HIBCH: variants seen among roughly 807,000 people sequenced by gnomAD.
The protein encoded by HIBCH is 3-hydroxyisobutyryl-CoA hydrolase, mitochondrial.
In HIBCH, 50 loss-of-function variants were observed where a neutral mutation model predicts 58.2. The observed-to-expected ratio is 0.86, with a 90% CI of 0.68 to 1.09. HIBCH has a LOEUF of 1.09. Ranked by LOEUF, HIBCH falls within the 50% of genes least tolerant of loss-of-function variation. HIBCH has a pLI of 0.00. For missense variants in HIBCH, 450 were observed against 449.7 expected (o/e 1.00, Z -0.01); for synonymous variants, 151 against 146.9 (o/e 1.03, Z -0.20).
chr2:190,309,571 T>G (rs1469158753), intron 2 of HIBCH, among the ~76,000 whole-genome samples: 3 of 151,812 alleles, frequency 2.0e-5, no homozygotes, highest in Non-Finnish European at 4.4e-5. Flanking sequence ...TTTTTTTTTT[T>G]TTTAAGACAG....
chr2:190,279,500 T>C lies in HIBCH; in HGVS notation c.438+8086A>G, dbSNP rs1349888491. ...CAAAACAAGTTATCTACTTCCAAGA[T>C]ACAGTGGTAGGACAGGTATAGGGTA... is the stretch of plus-strand genomic sequence containing the variant. On this transcript the variant is annotated intron_variant, in intron 6 of 13. Coordinates refer to ENST00000359678, the MANE Select transcript of HIBCH (RefSeq NM_014362.4). This position sits in a 1 kb window ranked among gnomAD's most constrained non-coding sequence, Gnocchi z 4.2. Among the ~76,000 whole-genome samples the C allele has an allele frequency of 6.6e-6, 1 of 152,194 alleles. No individual in the cohort carries two copies. Among genetic ancestry groups the C allele is most frequent in the African/African-American group, 2.4e-5 (1 of 41,454 alleles).
At chr2:190,267,574 G>A (rs1687277811) in intron 6 of HIBCH, among the ~76,000 whole-genome samples, 1 of 152,144 alleles carries the variant, frequency 6.6e-6, no homozygotes, top group African/African-American at 2.4e-5. Flanking sequence ...TGTTCCTATG[G>A]TTTCTCCATT....
chr2:190,294,257 T>C (rs570080494), intron 4 of HIBCH, among the ~76,000 whole-genome samples: 32 of 151,750 alleles, frequency 2.1e-4, no homozygotes, highest in Non-Finnish European at 3.7e-4. Context: ...AGTGGACCCA[T>C]ATACCCTAAC....
intron 11 of HIBCH, among the ~76,000 whole-genome samples, chr2:190,231,753 A>G (rs1686101827): frequency 6.6e-6 from 1 of 152,040 alleles, no homozygotes; most frequent in Non-Finnish European, 1.5e-5. Context: ...GGGAGAGGAG[A>G]AGAAAAGGAG....
At chr2:190,213,883 A>C (rs536832370) in intron 11 of HIBCH, 34 of 152,328 alleles carry the variant, frequency 2.2e-4, no homozygotes, top group African/African-American at 6.5e-4. Flanking sequence ...TTGCTTGTTA[A>C]AACTGTGCCG....
At chr2:190,284,580 A>G (rs1019982244) in intron 6 of HIBCH, among the ~76,000 whole-genome samples, 2 of 152,218 alleles carry the variant, frequency 1.3e-5, no homozygotes, top group Non-Finnish European at 2.9e-5. Context: ...TTTATACTAA[A>G]TAACGACTTA....
chr2:190,191,289 T>C (rs1689697378), intron 1 of HIBCH, among the ~76,000 whole-genome samples: 1 of 152,056 alleles, frequency 6.6e-6, no homozygotes, highest in Admixed American at 6.6e-5. Flanking sequence ...ACTACAGGTG[T>C]GCACCACTAT....
chr2:190,217,264 A>T lies in HIBCH; in HGVS notation c.892-4189T>A, dbSNP rs1685582714. 6.6e-6 allele frequency among the ~76,000 whole-genome samples: 1 copy of T among 152,156 alleles called. No individual in the cohort carries two copies. The highest frequency in any genetic ancestry group is 2.1e-4 in the South Asian group (1 of 4,834). ...TTTCTGAGACTGAGGCAGGTGGATCACCTGAGGTCAAGAGTTCAAGACCAG... is the reference window on the plus strand; with the variant it reads ...TTTCTGAGACTGAGGCAGGTGGATCTCCTGAGGTCAAGAGTTCAAGACCAG... On this transcript the variant is annotated intron_variant, in intron 11 of 13. Transcript: ENST00000359678. This position sits in a 1 kb window ranked among gnomAD's most constrained non-coding sequence, Gnocchi z 4.6.
In HIBCH at chr2:190,261,164, G is replaced by A. The variant is rs746138907; in HGVS notation, c.509C>T (p.Thr170Ile). The part of the protein sequence containing the change: ...TEKCLFAMPE[T>I]AIGLFPDVGG... ...AAATTCTGGTTGTTTACCTATTGCAGTTTCTGGCATAGCAAAAAGACACTT... is the reference window on the plus strand; with the variant it reads ...AAATTCTGGTTGTTTACCTATTGCAATTTCTGGCATAGCAAAAAGACACTT... The change falls in exon 7 of 14, where the codon ACT becomes ATT. Residue 170 changes from threonine (T) to isoleucine (I), a missense_variant. Coordinates refer to ENST00000359678, the MANE Select transcript of HIBCH (RefSeq NM_014362.4). 1.2e-6 allele frequency: 2 copies of A among 1,610,976 alleles called. No homozygotes were observed. Among genetic ancestry groups the A allele is most frequent in the South Asian group, 2.2e-5 (2 of 90,990 alleles).
At chr2:190,212,892 G>T in intron 12 of HIBCH, 64 bp downstream of exon 12, 1 of 1,413,486 alleles carries the variant, frequency 7.1e-7, no homozygotes, top group Non-Finnish European at 9.8e-7. Flanking sequence ...TATTTTACAA[G>T]TTCTACAATA....
chr2:190,237,644 G>A (rs1686317170), intron 11 of HIBCH, among the ~76,000 whole-genome samples: 1 of 152,096 alleles, frequency 6.6e-6, no homozygotes, highest in Non-Finnish European at 1.5e-5. Flanking sequence ...TTGCTGCAAT[G>A]TGTAAGTTCT....
Position 190,244,969 on chromosome 2 carries a change from C to T in HIBCH, c.810-1G>A. The stretch of plus-strand genomic sequence containing the variant: ...TTCCACAGTATTGGCTGAAAAACAA[C>T]TATAAAAAAAGGAAATGTGATTTCA... On this transcript the variant is annotated splice_acceptor_variant, in intron 10 of 13. Transcript: ENST00000359678. LOFTEE classifies it high-confidence loss of function. The T allele has an allele frequency of 6.3e-7, 1 of 1,581,900 alleles. No individual in the cohort carries two copies. The highest frequency in any genetic ancestry group is 8.7e-7 in the Non-Finnish European group (1 of 1,150,798).
At chr2:190,273,501 C>T (rs960307212) in intron 6 of HIBCH, among the ~76,000 whole-genome samples, 19 of 152,058 alleles carry the variant, frequency 1.2e-4, no homozygotes, top group Non-Finnish European at 1.5e-4. Context: ...GGAGATCTAC[C>T]GCTCTCTATC....
intron 6 of HIBCH, among the ~76,000 whole-genome samples, chr2:190,268,645 A>C (rs1323832191): frequency 1.3e-5 from 2 of 152,224 alleles, no homozygotes; most frequent in Non-Finnish European, 2.9e-5. Flanking sequence ...TTAAAAGGAC[A>C]ATTAAATCCA....
intron 11 of HIBCH, among the ~76,000 whole-genome samples, chr2:190,230,710 A>C (rs1192978892): frequency 8.5e-5 from 13 of 152,214 alleles, no homozygotes; most frequent in Non-Finnish European, 1.5e-5. Flanking sequence ...AAGAAATATA[A>C]TCTATAAATT....
At position 190,210,074 on chromosome 2, in the gene HIBCH, TAAA is replaced by T. The variant is rs1224312541; in HGVS notation, c.1012-1164_1012-1162del. On this transcript the variant is annotated intron_variant, in intron 12 of 13. Transcript: ENST00000359678. The surrounding 1 kb of genome is among the most constrained non-coding windows in gnomAD (Gnocchi z 5.5). ...TTCTAGTACCTTCCATCTTACAAAA[TAAA>T]AAAGGAACTTCATTTGATTCCACAG... Among the ~76,000 whole-genome samples, 3 of 152,144 alleles carry T rather than the reference TAAA, an allele frequency of 2.0e-5. No individual in the cohort carries two copies.
At chr2:190,212,879 G>A (rs1298812063) in intron 12 of HIBCH, 77 bp downstream of exon 12, 2 of 1,271,634 alleles carry the variant, frequency 1.6e-6, no homozygotes, top group Admixed American at 3.8e-5. Context: ...TTTGCACTTA[G>A]TGTATTTTAC....
chr2:190,198,631 C>T (rs961456333), intron 1 of HIBCH, among the ~76,000 whole-genome samples: 2 of 70,594 alleles, frequency 2.8e-5, no homozygotes, highest in Non-Finnish European at 5.2e-5. Context: ...GACCCTGTCT[C>T]AAAAAAAAAA....
At chr2:190,235,977 T>C in intron 11 of HIBCH, among the ~76,000 whole-genome samples, 1 of 152,194 alleles carries the variant, frequency 6.6e-6, no homozygotes. Context: ...ATCATACCTA[T>C]CATATGAAAT....
Sources: gnomAD v4.1 joint callset for allele counts (sites outside exome capture counted in the v4.1 genomes callset) on GRCh38, gnomAD v4.1.1 for gene constraint, Gnocchi (gnomAD v3.1) non-coding constraint, MANE v1.5 for transcripts, NCBI Gene and HGNC (gene_info 2026-07-23, HGNC 2026-07-21) for gene names.